Variants in CBY1 observed in about 807,000 individuals in gnomAD.
CBY1 encodes the protein chibby 1, beta catenin antagonist.
CBY1 carries 10 observed loss-of-function variants against 15.6 expected under a neutral mutation model. The ratio of observed to expected loss-of-function variants is 0.64; its 90% CI spans 0.40 to 1.09. The LOEUF is 1.09. Among genes scored for constraint, CBY1 ranks in the 50% least tolerant of loss-of-function variants. The pLI is 0.01. For synonymous variants in CBY1, 61 were observed against 63.5 expected (o/e 0.96, Z 0.19); for missense variants, 150 against 160.5 (o/e 0.93, Z 0.35).
At chr22:38,664,706 T>C (rs1171485168) in intron 1 of CBY1, among the ~76,000 whole-genome samples, 3 of 152,196 alleles carry the variant, frequency 2.0e-5, no homozygotes, top group Admixed American at 2.0e-4. Flanking sequence ...ACAATGACTT[T>C]GGAAAACCAT....
intron 1 of CBY1, among the ~76,000 whole-genome samples, chr22:38,658,128 T>C (rs2092407836): frequency 6.6e-6 from 1 of 151,784 alleles, no homozygotes; most frequent in Non-Finnish European, 1.5e-5. Flanking sequence ...CTTTCTTTTC[T>C]ATTTTTTTTT....
At chr22:38,657,075 G>T in intron 1 of CBY1, 1 of 975,082 alleles carries the variant, frequency 1.0e-6, no homozygotes, top group Non-Finnish European at 1.2e-6. Flanking sequence ...TGAACTCCTT[G>T]GGGGACACGT....
At chr22:38,660,915 A>G (rs909034435) in intron 1 of CBY1, among the ~76,000 whole-genome samples, 3 of 152,010 alleles carry the variant, frequency 2.0e-5, no homozygotes, top group African/African-American at 7.2e-5. Flanking sequence ...TTTACATAAG[A>G]TTACAGACAT....
At chr22:38,672,230 C>T (rs1358643097) in intron 4 of CBY1, among the ~76,000 whole-genome samples, 1 of 150,418 alleles carries the variant, frequency 6.6e-6, no homozygotes, top group Non-Finnish European at 1.5e-5. Flanking sequence ...CCACTGTACT[C>T]TAGCCTGGGC....
intron 4 of CBY1, among the ~76,000 whole-genome samples, chr22:38,672,748 A>G (rs1478267013): frequency 6.6e-6 from 1 of 152,190 alleles, no homozygotes; most frequent in African/African-American, 2.4e-5. Context: ...AAACAAAAAC[A>G]AAAAAACCCT....
chr22:38,660,515 TG>T lies in CBY1; in HGVS notation c.-39+3766del, dbSNP rs1345451493. 4.6e-5 allele frequency among the ~76,000 whole-genome samples: 7 copies of T among 152,050 alleles called. No individual in the cohort carries two copies. In the East Asian group the frequency reaches 1.3e-3, roughly 29 times the overall value. The stretch of plus-strand genomic sequence containing the variant: ...AGGCCGAAAATGCATCTTTTAATGA[TG>T]TGCCTCACATGTTACTAATACAAGG... On this transcript the variant is annotated intron_variant, in intron 1 of 4. Transcript: ENST00000216029.
At chr22:38,664,418 G>A (rs1311056480) in intron 1 of CBY1, among the ~76,000 whole-genome samples, 1 of 148,948 alleles carries the variant, frequency 6.7e-6, no homozygotes, top group African/African-American at 2.5e-5. Context: ...GTTGCAGTGA[G>A]CTGAGATTGT....
intron 4 of CBY1, chr22:38,671,459 G>A (rs1224413360): frequency 1.2e-5 from 5 of 407,344 alleles, no homozygotes; most frequent in Admixed American, 3.9e-5. Context: ...CTGTCAAGTC[G>A]GGAGAGCTTC....
At chr22:38,659,838 G>GGCGACA (rs1295405475) in intron 1 of CBY1, among the ~76,000 whole-genome samples, 1 of 148,194 alleles carries the variant, frequency 6.7e-6, no homozygotes, top group East Asian at 2.0e-4. Flanking sequence ...CTCCAGCCCG[G>GGCGACA]GCGACAGAGT....
intron 1 of CBY1, among the ~76,000 whole-genome samples, chr22:38,660,557 T>A (rs950142153): frequency 2.0e-5 from 3 of 152,044 alleles, no homozygotes; most frequent in Non-Finnish European, 4.4e-5. Context: ...TATATACATG[T>A]GTATATAGAC....
intron 4 of CBY1, among the ~76,000 whole-genome samples, chr22:38,671,957 T>G (rs890680399): frequency 6.7e-6 from 1 of 149,032 alleles, no homozygotes; most frequent in Non-Finnish European, 1.5e-5. Flanking sequence ...GATGCCATCT[T>G]TTTTTTTTTT....
At chr22:38,659,679 G>A (rs62229989) in intron 1 of CBY1, among the ~76,000 whole-genome samples, 54,164 of 151,480 alleles carry the variant, frequency 0.36, 10,077 homozygotes, top group East Asian at 0.46. Flanking sequence ...TGGCTAACAC[G>A]GTGAAACCCC....
At chr22:38,657,008 C>T (rs1282279036) in intron 1 of CBY1, 1 of 241,178 alleles carries the variant, frequency 4.1e-6, no homozygotes, top group East Asian at 1.8e-4. Context: ...TTGTTGACAG[C>T]TGTTACTTGA....
intron 1 of CBY1, 139 bp from the exon 2 acceptor site, chr22:38,667,878 A>C: frequency 1.7e-6 from 1 of 600,520 alleles, no homozygotes; most frequent in East Asian, 2.8e-5. Flanking sequence ...TTTCAACATG[A>C]GTTTTGGTGG....
intron 4 of CBY1, 174 bp downstream of exon 4, chr22:38,671,362 C>T: frequency 1.6e-6 from 1 of 610,856 alleles, no homozygotes; most frequent in Non-Finnish European, 2.9e-6. Flanking sequence ...AGTGTAGAGG[C>T]AGGTGGACCG....
intron 2 of CBY1, 40 bp downstream of exon 2, chr22:38,668,172 A>G: frequency 8.5e-7 from 1 of 1,173,276 alleles, no homozygotes; most frequent in Non-Finnish European, 1.3e-6. Flanking sequence ...GTGCAGCATG[A>G]GTTGAGTGCT....
At chr22:38,665,893 G>C (rs2092434387) in intron 1 of CBY1, among the ~76,000 whole-genome samples, 1 of 151,676 alleles carries the variant, frequency 6.6e-6, no homozygotes. Flanking sequence ...AAATTAGCTG[G>C]GCATGGTGGC....
intron 1 of CBY1, chr22:38,666,512 G>C (rs1335801303): frequency 6.6e-6 from 1 of 152,092 alleles, no homozygotes; most frequent in Non-Finnish European, 1.5e-5. Context: ...GGTTGGGGGG[G>C]TGTTGTTGTC....
At chr22:38,663,493 C>T (rs574185693) in intron 1 of CBY1, among the ~76,000 whole-genome samples, 17 of 151,450 alleles carry the variant, frequency 1.1e-4, no homozygotes, top group East Asian at 3.9e-4. Context: ...GTTGGGAGTT[C>T]GAGACCAGCC....
Sources: allele counts gnomAD v4.1 joint callset (sites outside exome capture counted in the v4.1 genomes callset), GRCh38; gene constraint gnomAD v4.1.1; transcripts MANE v1.5; gene names NCBI Gene and HGNC (gene_info 2026-07-23, HGNC 2026-07-21).